The following C16orf74 variants were observed in gnomAD, a reference collection of about 807,000 sequenced individuals.
C16orf74 encodes the protein calcimembrin, also known as uncharacterized protein C16orf74.
C16orf74 carries 10 observed loss-of-function variants against 6.5 expected under a neutral mutation model. The observed-to-expected ratio is 1.54, with a 90% confidence interval of 0.95 to 2.61. C16orf74 has a LOEUF of 2.61. Among genes scored for constraint, C16orf74 ranks in the 30% most tolerant of loss-of-function variants. C16orf74 has a pLI of 0.00. For missense variants in C16orf74, 141 were observed against 105.9 expected (o/e 1.33, Z -1.45); for synonymous variants, 60 against 42.5 (o/e 1.41, Z -1.60).
At chr16:85,745,942 T>G (rs950446370) in intron 1 of C16orf74, among the ~76,000 whole-genome samples, 1 of 152,222 alleles carries the variant, frequency 6.6e-6, no homozygotes, top group African/African-American at 2.4e-5. Context: ...GAGAGGCTCA[T>G]AGAAATCTAG....
At chr16:85,708,364 GTATGA>G (rs2053934521) in intron 3 of C16orf74, among the ~76,000 whole-genome samples, 1 of 152,184 alleles carries the variant, frequency 6.6e-6, no homozygotes, top group South Asian at 2.1e-4. Context: ...AGGGAAGGTG[GTATGA>G]TCCCATTTTA....
intron 2 of C16orf74, among the ~76,000 whole-genome samples, chr16:85,728,480 T>A (rs2054156021): frequency 6.6e-6 from 1 of 152,090 alleles, no homozygotes; most frequent in African/African-American, 2.4e-5. Context: ...GGAGCCTGTA[T>A]CCATGGTGAC....
chr16:85,711,877 G>A (rs2053974034), intron 2 of C16orf74, among the ~76,000 whole-genome samples: 1 of 152,180 alleles, frequency 6.6e-6, no homozygotes, highest in Admixed American at 6.5e-5. Flanking sequence ...GTTCCTAAGT[G>A]ACCACTGTAG....
At chr16:85,731,131 C>G (rs2054183414) in intron 2 of C16orf74, among the ~76,000 whole-genome samples, 2 of 152,192 alleles carry the variant, frequency 1.3e-5, no homozygotes, top group African/African-American at 2.4e-5. Flanking sequence ...CTCCAGAACC[C>G]AGCACTCAAT....
At chr16:85,710,711 C>T (rs1342170788) in intron 2 of C16orf74, 1 of 168,748 alleles carries the variant, frequency 5.9e-6, no homozygotes, top group Non-Finnish European at 1.3e-5. Flanking sequence ...CCTGGGGCCC[C>T]TTCGTGCCTT....
intron 2 of C16orf74, among the ~76,000 whole-genome samples, chr16:85,714,462 C>T (rs2152058310): frequency 6.6e-6 from 1 of 151,832 alleles, no homozygotes; most frequent in Middle Eastern, 3.4e-3. Context: ...CTCTGTCGCC[C>T]AGGCTGGAAT....
At chr16:85,748,128 GTATA>G (rs1464041464) in intron 1 of C16orf74, among the ~76,000 whole-genome samples, 1 of 60,808 alleles carries the variant, frequency 1.6e-5, no homozygotes, top group African/African-American at 4.2e-5. Flanking sequence ...ATGTGTGTGT[GTATA>G]TATATATGTG....
chr16:85,736,584 G>C (rs1412075322), intron 1 of C16orf74, among the ~76,000 whole-genome samples: 2 of 152,068 alleles, frequency 1.3e-5, no homozygotes, highest in African/African-American at 2.4e-5. Context: ...GGGAAAGCGA[G>C]AGATACTGAT....
intron 2 of C16orf74, among the ~76,000 whole-genome samples, chr16:85,721,045 C>T (rs1163611481): frequency 6.6e-6 from 1 of 152,068 alleles, no homozygotes; most frequent in Non-Finnish European, 1.5e-5. Flanking sequence ...GAACCAAGAT[C>T]GCGCCACTGC....
chr16:85,728,019 C>T (rs987621300), intron 2 of C16orf74, among the ~76,000 whole-genome samples: 1 of 148,740 alleles, frequency 6.7e-6, no homozygotes, highest in Non-Finnish European at 1.5e-5. Context: ...TACACCTATA[C>T]TCCAGCTGCT....
At chr16:85,733,881 C>A (rs565498878) in intron 2 of C16orf74, among the ~76,000 whole-genome samples, 3 of 152,294 alleles carry the variant, frequency 2.0e-5, no homozygotes, top group South Asian at 4.1e-4. Flanking sequence ...TCTCCGCAAG[C>A]GGTGTTGGAG....
chr16:85,733,391 G>C (rs571927349), intron 2 of C16orf74, among the ~76,000 whole-genome samples: 229 of 152,278 alleles, frequency 1.5e-3, no homozygotes, highest in African/African-American at 5.1e-3. Flanking sequence ...GCCAAGGGCT[G>C]GGGAGGGAAC....
At position 85,722,093 on chromosome 16, in the gene C16orf74, G is replaced by A. The variant is rs531517918; in HGVS notation, c.29-11786C>T. On this transcript the variant is annotated intron_variant, in intron 2 of 3. Transcript: ENST00000284245. ...GCTGCCTTGGCCTGCTAACTCCTGC[G>A]CTCAGGTGATCTTCCTGCTTGGGCC... 2.2e-4 allele frequency among the ~76,000 whole-genome samples: 32 copies of A among 147,024 alleles called. 1 individual carries two copies. The South Asian group carries it at 5.4e-3, about 25-fold the overall frequency.
chr16:85,710,177 G>T lies in C16orf74; in HGVS notation c.159C>A (p.Asp53Glu). 1 of 1,463,140 alleles carries T rather than the reference G, an allele frequency of 6.8e-7. No individual in the cohort carries two copies. Among genetic ancestry groups the T allele is most frequent in the South Asian group, 1.5e-5 (1 of 66,458 alleles). The allele number at this position is 1,463,140 out of a possible 1,614,324, so 90.6% of individuals were successfully genotyped here. ...PTPTGMMLPR[D>E]LGSTVWLDET... ...GGACGGCCTCACCTGTGCTCCCCAAGTCCCTCGGCAGCATCATGCCCGTGG... is the reference window on the plus strand; with the variant it reads ...GGACGGCCTCACCTGTGCTCCCCAATTCCCTCGGCAGCATCATGCCCGTGG... Residue 53 changes from aspartate (D) to glutamate (E), a missense_variant, in exon 3 of 4, where the codon GAC becomes GAA. By Grantham distance (45) the Asp-to-Glu change is conservative (BLOSUM62 2). Coordinates refer to ENST00000284245, the MANE Select transcript of C16orf74 (RefSeq NM_206967.3).
chr16:85,735,268 G>T, intron 1 of C16orf74, 33 bp from the exon 2 acceptor site: 1 of 1,522,074 alleles, frequency 6.6e-7, no homozygotes, highest in Non-Finnish European at 8.9e-7. Flanking sequence ...AGAGAGGGGA[G>T]GGCGCGACTT....
At chr16:85,738,623 G>A (rs942426253) in intron 1 of C16orf74, among the ~76,000 whole-genome samples, 3 of 151,862 alleles carry the variant, frequency 2.0e-5, no homozygotes, top group Non-Finnish European at 2.9e-5. Context: ...GAGCCACCGC[G>A]CCGGGCCCGG....
chr16:85,707,961 C>G lies in C16orf74; in HGVS notation c.*47G>C, dbSNP rs1227264248. On this transcript the variant is annotated 3_prime_UTR_variant, in exon 4 of 4. Transcript: ENST00000284245. ...CAGCCACGCCCCCGGACACCTGAAG[C>G]CGGGCCGCTGGAGCAGGAGCCAGCC... is the stretch of plus-strand genomic sequence containing the variant. 22 of 1,524,208 alleles carry G rather than the reference C, an allele frequency of 1.4e-5. No homozygotes were observed. The highest frequency in any genetic ancestry group is 2.8e-5 in the African/African-American group (2 of 72,538). The allele number at this position is 1,524,208 out of a possible 1,614,324, so 94.4% of individuals were successfully genotyped here. A position where few individuals can be genotyped will look rare whatever the true frequency, so the allele number is the denominator to read the frequency against.
chr16:85,726,937 C>T (rs1028979293), intron 2 of C16orf74, among the ~76,000 whole-genome samples: 1 of 152,216 alleles, frequency 6.6e-6, no homozygotes, highest in Admixed American at 6.5e-5. Flanking sequence ...CAGGCCAGCT[C>T]TTTAGGCTGG....
At chr16:85,722,159 C>T (rs767294030) in intron 2 of C16orf74, among the ~76,000 whole-genome samples, 3 of 151,902 alleles carry the variant, frequency 2.0e-5, no homozygotes, top group Non-Finnish European at 2.9e-5. Context: ...CCACTGTGCC[C>T]AGCTCTGACT....
Sources: allele counts gnomAD v4.1 joint callset (sites outside exome capture counted in the v4.1 genomes callset), GRCh38; gene constraint gnomAD v4.1.1; transcripts MANE v1.5; gene names NCBI Gene and HGNC (gene_info 2026-07-23, HGNC 2026-07-21).